Variants in SCFD1 observed in about 807,000 individuals in gnomAD.
SCFD1 encodes sec1 family domain containing 1.
SCFD1 carries 37 observed loss-of-function variants against 103.2 expected under a neutral mutation model. The observed-to-expected ratio is 0.36, with a 90% confidence interval of 0.28 to 0.47. The LOEUF (loss-of-function observed/expected upper bound fraction) is 0.47, where lower values mean the gene tolerates loss of function less well. SCFD1 is among the 20% of genes least tolerant of loss of function. The probability of loss-of-function intolerance (pLI) is 1.00; values close to 1 mark genes in which losing one functional copy is unlikely to be tolerated. For synonymous variants in SCFD1, 264 were observed against 245.0 expected, an observed-to-expected ratio of 1.08 and a Z score of -0.73; for missense variants, 639 against 761.2, an observed-to-expected ratio of 0.84 and a Z score of 1.89.
chr14:30,673,747 A>G (rs1888764793), intron 12 of SCFD1, among the ~76,000 whole-genome samples, 177 bp from the exon 13 acceptor site: 1 of 152,196 alleles, frequency 6.6e-6, no homozygotes, highest in South Asian at 2.1e-4. Flanking sequence ...ACTTTTATGT[A>G]ACATTAAAAT....
At chr14:30,692,290 C>A (rs1890370950) in intron 14 of SCFD1, among the ~76,000 whole-genome samples, 1 of 152,130 alleles carries the variant, frequency 6.6e-6, no homozygotes, top group Non-Finnish European at 1.5e-5. Context: ...ATTAATTAAA[C>A]ATGCTCTAAG....
intron 4 of SCFD1, chr14:30,634,839 G>C (rs976244187): frequency 4.4e-6 from 2 of 455,824 alleles, no homozygotes; most frequent in African/African-American, 4.0e-5. Context: ...GACATGGACT[G>C]TGCCAGCCCT....
chr14:30,662,863 T>C (rs1191600160), intron 10 of SCFD1, among the ~76,000 whole-genome samples: 1 of 152,190 alleles, frequency 6.6e-6, no homozygotes, highest in African/African-American at 2.4e-5. Context: ...CATTTCCTGA[T>C]GGGATCTATT....
At chr14:30,684,297 C>A (rs1249019808) in intron 14 of SCFD1, among the ~76,000 whole-genome samples, 1 of 152,162 alleles carries the variant, frequency 6.6e-6, no homozygotes, top group Non-Finnish European at 1.5e-5. Context: ...AGGTGCATGC[C>A]ACAGTGTCCA....
chr14:30,725,884 A>C (rs1164389578), intron 23 of SCFD1, among the ~76,000 whole-genome samples: 1 of 152,202 alleles, frequency 6.6e-6, no homozygotes, highest in Non-Finnish European at 1.5e-5. Context: ...CCGTCTCTAT[A>C]AACGGTGCTG....
chr14:30,622,587 T>C lies in SCFD1; in HGVS notation c.61+188T>C, dbSNP rs1882958391. ...CTTGAGGACTCGGTTCCTCCTGTGGTGCAGGAGAAGGAGCTTCAGCGGTGG... is the reference window on the plus strand; with the variant it reads ...CTTGAGGACTCGGTTCCTCCTGTGGCGCAGGAGAAGGAGCTTCAGCGGTGG... On this transcript the variant is annotated intron_variant, in intron 1 of 24. Coordinates refer to ENST00000458591, the MANE Select transcript of SCFD1 (RefSeq NM_016106.4). 3.0e-6 allele frequency: 3 copies of C among 1,007,584 alleles called. No individual in the cohort carries two copies. In the South Asian group the frequency reaches 6.5e-5, roughly 22 times the overall value. The allele number at this position is 1,007,584 out of a possible 1,614,324, so 62.4% of individuals were successfully genotyped here.
intron 2 of SCFD1, among the ~76,000 whole-genome samples, chr14:30,629,186 T>G (rs1409105282): frequency 6.6e-6 from 1 of 152,210 alleles, no homozygotes; most frequent in Non-Finnish European, 1.5e-5. Flanking sequence ...CCCATCACTT[T>G]TTATATCATT....
In SCFD1 at chr14:30,735,638, C is replaced by T. The variant is rs1382325298; in HGVS notation, c.*29C>T. 1.3e-6 allele frequency: 2 copies of T among 1,545,170 alleles called. No homozygotes were observed. The highest frequency in any genetic ancestry group is 8.9e-7 in the Non-Finnish European group (1 of 1,129,342). ...AGAAGAACCTTACTATGATAATCTA[C>T]TTGGAATGTGGATAAATGTAAAAAG... On this transcript the variant is annotated 3_prime_UTR_variant, in exon 25 of 25. Coordinates refer to ENST00000458591, the MANE Select transcript of SCFD1 (RefSeq NM_016106.4).
chr14:30,634,683 A>G (rs1884532526), intron 4 of SCFD1: 5 of 389,762 alleles, frequency 1.3e-5, no homozygotes, highest in African/African-American at 2.1e-5. Context: ...TAGGAAGTCC[A>G]CACTGGTGCA....
intron 19 of SCFD1, among the ~76,000 whole-genome samples, chr14:30,709,385 G>A (rs548474310): frequency 3.2e-4 from 48 of 151,972 alleles, no homozygotes; most frequent in Non-Finnish European, 6.0e-4. Context: ...GGCACGCACC[G>A]CCACACCTGG....
chr14:30,734,583 G>A, intron 23 of SCFD1: 1 of 524,808 alleles, frequency 1.9e-6, no homozygotes. Context: ...TATATATTTT[G>A]GGGGACAAAA....
chr14:30,690,566 C>G (rs1466478324), intron 14 of SCFD1, among the ~76,000 whole-genome samples: 1 of 136,402 alleles, frequency 7.3e-6, no homozygotes, highest in Non-Finnish European at 1.5e-5. Context: ...TGGAAGTGAC[C>G]CGATTTTCCA....
At chr14:30,657,325 T>A (rs1197343277) in intron 10 of SCFD1, among the ~76,000 whole-genome samples, 1 of 152,118 alleles carries the variant, frequency 6.6e-6, no homozygotes, top group Non-Finnish European at 1.5e-5. Flanking sequence ...TTGGGAAATA[T>A]AACTTAGGGC....
intron 10 of SCFD1, chr14:30,669,651 T>G (rs1376864565): frequency 1.3e-5 from 2 of 152,076 alleles, no homozygotes; most frequent in Non-Finnish European, 2.9e-5. Flanking sequence ...TCTTAAAGTT[T>G]GTGTGAAAGA....
intron 10 of SCFD1, 102 bp from the exon 11 acceptor site, chr14:30,670,154 C>T: frequency 1.1e-6 from 1 of 879,262 alleles, no homozygotes; most frequent in Non-Finnish European, 1.7e-6. Context: ...TTTTAAATTT[C>T]AGATCTATAT....
rs772070479 is a variant in SCFD1 at position 30,647,318 on chromosome 14, A to G, written c.614-2210A>G. On this transcript the variant is annotated intron_variant, in intron 7 of 24. Coordinates refer to ENST00000458591, the MANE Select transcript of SCFD1 (RefSeq NM_016106.4). ...GATTTAGACAAATGTTTAGACATGT[A>G]GAGAATTTATATGCAAATTGTATGG... Among the ~76,000 whole-genome samples the G allele has an allele frequency of 7.2e-5, 11 of 152,260 alleles. No homozygotes were observed. The East Asian group carries it at 9.6e-4, about 13-fold the overall frequency.
chr14:30,711,683 ACT>A (rs1891883792), intron 19 of SCFD1, among the ~76,000 whole-genome samples: 1 of 152,172 alleles, frequency 6.6e-6, no homozygotes, highest in African/African-American at 2.4e-5. Context: ...AGAATAAATC[ACT>A]GTTAATTATG....
intron 19 of SCFD1, among the ~76,000 whole-genome samples, 190 bp downstream of exon 19, chr14:30,708,255 G>A (rs1019721916): frequency 1.3e-5 from 2 of 152,080 alleles, no homozygotes; most frequent in Non-Finnish European, 2.9e-5. Flanking sequence ...AGGTAAATGT[G>A]TGCCTTGGTG....
chr14:30,635,045 G>C (rs1002644825), intron 4 of SCFD1: 3 of 443,254 alleles, frequency 6.8e-6, no homozygotes, highest in African/African-American at 6.1e-5. Context: ...GTAAGTAACA[G>C]TGTCTTCCAC....
Sources: allele counts gnomAD v4.1 joint callset (sites outside exome capture counted in the v4.1 genomes callset), GRCh38; gene constraint gnomAD v4.1.1; transcripts MANE v1.5; gene names NCBI Gene and HGNC (gene_info 2026-07-23, HGNC 2026-07-21).